The following SP100 variants were observed in gnomAD, a reference collection of about 807,000 sequenced individuals.
The protein encoded by SP100 is nuclear autoantigen Sp-100.
Under a neutral mutation model 130.0 loss-of-function variants are expected in SP100, and 84 were observed. The ratio of observed to expected loss-of-function variants is 0.65; its 90% CI spans 0.54 to 0.77. The LOEUF (loss-of-function observed/expected upper bound fraction) is 0.77. Ranked by LOEUF, SP100 falls within the 30% of genes least tolerant of loss-of-function variation. The pLI is 0.00. For missense variants in SP100, 978 were observed against 1,052.2 expected (o/e 0.93, Z 0.97); for synonymous variants, 331 against 351.7 (o/e 0.94, Z 0.66).
At chr2:230,514,803 C>T (rs13009809) in intron 24 of SP100, among the ~76,000 whole-genome samples, 9,607 of 152,244 alleles carry the variant, frequency 0.063, 393 homozygotes, top group Middle Eastern at 0.11. Context: ...CAGATTGTGT[C>T]TGCACTACTT....
chr2:230,520,144 A>G (rs1020860159), intron 24 of SP100, among the ~76,000 whole-genome samples: 3 of 152,182 alleles, frequency 2.0e-5, no homozygotes, highest in Non-Finnish European at 4.4e-5. Context: ...GTATTCATGG[A>G]CAAGAGATAA....
intron 11 of SP100, 136 bp from the exon 12 acceptor site, chr2:230,466,165 A>ATG: frequency 3.8e-6 from 2 of 521,904 alleles, no homozygotes; most frequent in Non-Finnish European, 6.8e-6. Flanking sequence ...AGCCTGGGTG[A>ATG]TAGAACAAGA....
In SP100 at chr2:230,473,501, A is replaced by G. The variant is rs796761990; in HGVS notation, c.1546+61A>G. 3.4e-5 allele frequency: 33 copies of G among 980,868 alleles called. No homozygotes were observed. In the African/African-American group the frequency reaches 4.1e-4, roughly 12 times the overall value. The allele number at this position is 980,868 out of a possible 1,614,324, so 60.8% of individuals were successfully genotyped here. On this transcript the variant is annotated intron_variant, in intron 16 of 28. Coordinates refer to ENST00000340126, the MANE Select transcript of SP100 (RefSeq NM_001080391.2). ...TCAGTGGATATCACAGACACTGGGT[A>G]GGGATGTGGGAAGTGATCAGAGTTG...
At chr2:230,523,649 C>A (rs1559534398) in intron 24 of SP100, among the ~76,000 whole-genome samples, 1 of 152,192 alleles carries the variant, frequency 6.6e-6, no homozygotes, top group Non-Finnish European at 1.5e-5. Context: ...TTGCTCACAC[C>A]TGTTATCCCA....
Position 230,504,291 on chromosome 2 carries a change from G to A in SP100, c.1870+1G>A. 6.4e-7 allele frequency: 1 copy of A among 1,554,654 alleles called. No individual in the cohort carries two copies. The highest frequency in any genetic ancestry group is 8.9e-7 in the Non-Finnish European group (1 of 1,127,848). On this transcript the variant is annotated splice_donor_variant, in intron 21 of 28. Coordinates refer to ENST00000340126, the MANE Select transcript of SP100 (RefSeq NM_001080391.2). LOFTEE classifies it high-confidence loss of function. ...CTATATAAGGAGCGATTCAAACAAG[G>A]TGAGTTTACTGGTCCATCTACGATT...
intron 14 of SP100, 101 bp from the exon 15 acceptor site, chr2:230,469,914 C>A: frequency 6.6e-7 from 1 of 1,508,106 alleles, no homozygotes; most frequent in Non-Finnish European, 8.9e-7. Flanking sequence ...TTCTCCCCCT[C>A]CTCCACAAGC....
intron 21 of SP100, among the ~76,000 whole-genome samples, chr2:230,504,942 A>G (rs1012836865): frequency 6.6e-6 from 1 of 152,318 alleles, no homozygotes; most frequent in South Asian, 2.1e-4. Flanking sequence ...AATAAATTGC[A>G]TTTGTTTATA....
intron 24 of SP100, among the ~76,000 whole-genome samples, chr2:230,527,864 TCAA>T (rs956574165): frequency 5.3e-4 from 80 of 152,202 alleles, no homozygotes; most frequent in African/African-American, 1.9e-3. Flanking sequence ...AGGAATCAGT[TCAA>T]CAAGAAGAGC....
At chr2:230,470,437 C>T in intron 15 of SP100, 1 of 997,490 alleles carries the variant, frequency 1.0e-6, no homozygotes, top group African/African-American at 1.7e-5. Context: ...GGGTTGACAT[C>T]ATTGTCATTT....
intron 19 of SP100, among the ~76,000 whole-genome samples, chr2:230,502,419 C>T (rs1056742824): frequency 2.6e-5 from 4 of 152,194 alleles, no homozygotes; most frequent in African/African-American, 4.8e-5. Flanking sequence ...ATCTCTGACT[C>T]TTTCCCAAAG....
chr2:230,542,241 T>C (rs146982240), intron 28 of SP100, among the ~76,000 whole-genome samples: 1 of 152,270 alleles, frequency 6.6e-6, no homozygotes, highest in Admixed American at 6.5e-5. Flanking sequence ...ATTGCAAACA[T>C]GGTCCTATAT....
At chr2:230,450,864 T>C (rs2063944905) in intron 8 of SP100, among the ~76,000 whole-genome samples, 1 of 152,184 alleles carries the variant, frequency 6.6e-6, no homozygotes, top group Non-Finnish European at 1.5e-5. Context: ...GTGTATATAT[T>C]TTCTTTATCC....
At chr2:230,429,275 C>G (rs2063030943) in intron 2 of SP100, among the ~76,000 whole-genome samples, 1 of 152,174 alleles carries the variant, frequency 6.6e-6, no homozygotes, top group South Asian at 2.1e-4. Flanking sequence ...ACATATCACC[C>G]TAATCTCTCC....
chr2:230,486,385 C>A (rs922327786), intron 17 of SP100, among the ~76,000 whole-genome samples: 1 of 152,166 alleles, frequency 6.6e-6, no homozygotes, highest in Non-Finnish European at 1.5e-5. Flanking sequence ...TCCATGTGTT[C>A]TCATTGTTCA....
intron 12 of SP100, 21 bp from the exon 13 acceptor site, chr2:230,467,099 G>T: frequency 1.5e-5 from 24 of 1,550,364 alleles, no homozygotes; most frequent in Non-Finnish European, 2.1e-5. Context: ...AGCTCCAAAG[G>T]ACATTTGCTC....
chr2:230,505,112 T>C (rs1689977361), intron 21 of SP100, among the ~76,000 whole-genome samples: 1 of 152,156 alleles, frequency 6.6e-6, no homozygotes, highest in East Asian at 1.9e-4. Context: ...TGGCCAAACT[T>C]GCATATGGAC....
chr2:230,514,886 G>A, intron 24 of SP100: 1 of 664,256 alleles, frequency 1.5e-6, no homozygotes, highest in Non-Finnish European at 2.3e-6. Context: ...TGTTGGGAAG[G>A]GACATTACTT....
intron 17 of SP100, among the ~76,000 whole-genome samples, chr2:230,482,981 C>T (rs950966116): frequency 1.3e-5 from 2 of 152,158 alleles, no homozygotes; most frequent in African/African-American, 4.8e-5. Context: ...ACTGACGTCT[C>T]TAAAATATTG....
At position 230,541,222 on chromosome 2, in the gene SP100, G is replaced by A. The variant is rs73101009; in HGVS notation, c.2332-79G>A. On this transcript the variant is annotated intron_variant, in intron 26 of 28. Transcript: ENST00000340126. ...CAAAGAGTCCACAGGTTTGGGAGTCGTGTGTTCTCTTTGGGCAAGCATATG... is the reference window on the plus strand; with the variant it reads ...CAAAGAGTCCACAGGTTTGGGAGTCATGTGTTCTCTTTGGGCAAGCATATG... The A allele has an allele frequency of 2.3e-3, 3,118 of 1,368,436 alleles. 79 individuals are homozygous for A. In the African/African-American group the frequency reaches 0.039, roughly 17 times the overall value. The allele number at this position is 1,368,436 out of a possible 1,614,324, so 84.8% of individuals were successfully genotyped here.
Sources: gnomAD v4.1 joint callset for allele counts (sites outside exome capture counted in the v4.1 genomes callset) on GRCh38, gnomAD v4.1.1 for gene constraint, MANE v1.5 for transcripts, NCBI Gene and HGNC (gene_info 2026-07-23, HGNC 2026-07-21) for gene names.